GRK5: variants seen among roughly 807,000 people sequenced by gnomAD.
GRK5 encodes the protein g protein-coupled receptor kinase GRK5.
A neutral mutation model predicts 78.4 loss-of-function variants in GRK5; 40 were observed. That is an observed-to-expected ratio of 0.51 (90% confidence interval 0.40 to 0.66). GRK5 has a LOEUF of 0.66. GRK5 is among the 30% of genes least tolerant of loss of function. The pLI is 0.00. For synonymous variants in GRK5, 289 were observed against 296.8 expected (o/e 0.97, Z 0.27); for missense variants, 598 against 759.9 (o/e 0.79, Z 2.50).
At chr10:119,361,512 A>G (rs1466855337) in intron 2 of GRK5, among the ~76,000 whole-genome samples, 1 of 152,226 alleles carries the variant, frequency 6.6e-6, no homozygotes, top group African/African-American at 2.4e-5. Flanking sequence ...TTGTGCTCCA[A>G]TTCTATGTTG....
At chr10:119,263,429 G>A (rs561558191) in intron 1 of GRK5, among the ~76,000 whole-genome samples, 38 of 152,296 alleles carry the variant, frequency 2.5e-4, no homozygotes, top group African/African-American at 8.9e-4. Flanking sequence ...GTGTGTGTGT[G>A]CATGTGTAAA....
At chr10:119,354,760 A>G (rs377315837) in intron 2 of GRK5, among the ~76,000 whole-genome samples, 34 of 152,140 alleles carry the variant, frequency 2.2e-4, no homozygotes, top group African/African-American at 7.7e-4. Flanking sequence ...CACAGGTTTG[A>G]ACTGTGTAGG....
chr10:119,302,566 C>T (rs1850202300), intron 1 of GRK5, among the ~76,000 whole-genome samples: 1 of 152,224 alleles, frequency 6.6e-6, no homozygotes, highest in African/African-American at 2.4e-5. Context: ...CGATTCCTCC[C>T]TCAGCCCCAC....
chr10:119,343,246 A>G (rs1027475989), intron 2 of GRK5, among the ~76,000 whole-genome samples: 6 of 152,194 alleles, frequency 3.9e-5, no homozygotes, highest in African/African-American at 1.4e-4. Context: ...GTGGCAGGGA[A>G]GGTGCCAAGT....
At chr10:119,318,704 C>G (rs1482624764) in intron 1 of GRK5, among the ~76,000 whole-genome samples, 1 of 152,144 alleles carries the variant, frequency 6.6e-6, no homozygotes, top group African/African-American at 2.4e-5. Context: ...CTTCCTGGAG[C>G]TCAGGTCGTC....
intron 2 of GRK5, among the ~76,000 whole-genome samples, chr10:119,342,442 A>G (rs1474755863): frequency 1.3e-5 from 2 of 152,238 alleles, no homozygotes; most frequent in East Asian, 1.9e-4. Context: ...CTTATCTGCA[A>G]AATGGGAACT....
chr10:119,211,760 G>C (rs1848489779), intron 1 of GRK5: 1 of 152,236 alleles, frequency 6.6e-6, no homozygotes, highest in African/African-American at 2.4e-5. Context: ...ATCAAGATTA[G>C]CACCTCGGGG....
At chr10:119,349,017 C>G (rs1041598074) in intron 2 of GRK5, among the ~76,000 whole-genome samples, 3 of 152,178 alleles carry the variant, frequency 2.0e-5, no homozygotes, top group African/African-American at 7.2e-5. Context: ...GTTAGGCAAT[C>G]TTCCGTCACC....
At chr10:119,337,387 T>G (rs1163638614) in intron 2 of GRK5, among the ~76,000 whole-genome samples, 1 of 152,136 alleles carries the variant, frequency 6.6e-6, no homozygotes, top group Non-Finnish European at 1.5e-5. Context: ...GCAGCAGCAG[T>G]TTATTGTCTC....
chr10:119,396,039 T>C (rs1362212475), intron 3 of GRK5, among the ~76,000 whole-genome samples: 1 of 152,236 alleles, frequency 6.6e-6, no homozygotes, highest in Admixed American at 6.5e-5. Context: ...AGACCAGGCA[T>C]CCACATTATT....
At chr10:119,358,808 G>T (rs1851309393) in intron 2 of GRK5, among the ~76,000 whole-genome samples, 3 of 152,144 alleles carry the variant, frequency 2.0e-5, no homozygotes. Context: ...CACAGTTCTG[G>T]GGGCCACAGT....
intron 2 of GRK5, among the ~76,000 whole-genome samples, chr10:119,342,676 G>A (rs1375307231): frequency 1.3e-5 from 2 of 152,150 alleles, no homozygotes; most frequent in South Asian, 2.1e-4. Flanking sequence ...TTATCTGTTC[G>A]TTCATTCATT....
intron 1 of GRK5, among the ~76,000 whole-genome samples, chr10:119,263,658 T>C (rs1034092111): frequency 6.6e-6 from 1 of 152,188 alleles, no homozygotes; most frequent in African/African-American, 2.4e-5. Flanking sequence ...GCGCAGTGGC[T>C]CATGCCTGTA....
At chr10:119,310,150 A>G (rs543557255) in intron 1 of GRK5, among the ~76,000 whole-genome samples, 1 of 152,344 alleles carries the variant, frequency 6.6e-6, no homozygotes, top group East Asian at 1.9e-4. Context: ...GCTTCTTTGA[A>G]ATAGGGGATG....
intron 2 of GRK5, chr10:119,333,771 G>A (rs1313941157): frequency 3.8e-6 from 2 of 532,728 alleles, no homozygotes; most frequent in Admixed American, 1.9e-5. Flanking sequence ...CCACGGGGGA[G>A]CTGAGCGGAT....
intron 4 of GRK5, among the ~76,000 whole-genome samples, chr10:119,415,100 A>G (rs966148985): frequency 6.6e-6 from 1 of 150,860 alleles, no homozygotes; most frequent in Admixed American, 6.6e-5. Flanking sequence ...AAAAAAAAAA[A>G]AAAGAAAAAG....
rs926882280 is a variant in GRK5, at chr10:119,445,107, C to T, written c.1266+1355C>T. On this transcript the variant is annotated intron_variant, in intron 12 of 15. Transcript: ENST00000392870. This position sits in a 1 kb window ranked among gnomAD's most constrained non-coding sequence, Gnocchi z 4.1. ...CACTCTAACCCCACAGCTGTTGGCC[C>T]GCCATGCAGCTGGGGCCTCAGAGAA... Among the ~76,000 whole-genome samples, 4 of 152,162 alleles carry T rather than the reference C, an allele frequency of 2.6e-5. No homozygotes were observed. The highest frequency in any genetic ancestry group is 1.9e-4 in the East Asian group (1 of 5,186).
intron 1 of GRK5, among the ~76,000 whole-genome samples, chr10:119,226,305 T>A (rs914828711): frequency 8.0e-5 from 12 of 149,178 alleles, no homozygotes; most frequent in South Asian, 6.3e-4. Flanking sequence ...TTTTTTTTTT[T>A]AATTTTAATT....
intron 2 of GRK5, 127 bp downstream of exon 2, chr10:119,326,738 G>A: frequency 7.0e-6 from 5 of 713,566 alleles, no homozygotes; most frequent in Non-Finnish European, 1.2e-5. Flanking sequence ...CCAATCAGTG[G>A]ACACAGTATT....
Sources: allele counts gnomAD v4.1 joint callset (sites outside exome capture counted in the v4.1 genomes callset), GRCh38; gene constraint gnomAD v4.1.1; non-coding constraint Gnocchi (gnomAD v3.1); transcripts MANE v1.5; gene names NCBI Gene and HGNC (gene_info 2026-07-23, HGNC 2026-07-21).